The following TP63 variants were observed in gnomAD, a reference collection of about 807,000 sequenced individuals.
TP63 encodes tumor protein p63.
A neutral mutation model predicts 82.8 loss-of-function variants in TP63; 17 were observed. The observed-to-expected ratio is 0.21, with a 90% CI of 0.14 to 0.31. The LOEUF is 0.31. TP63 is among the 10% of genes least tolerant of loss of function. The pLI, the probability that TP63 is intolerant of heterozygous loss-of-function variation, is 1.00. For synonymous variants in TP63, 330 were observed against 321.7 expected, an observed-to-expected ratio of 1.03 and a Z score of -0.28; for missense variants, 648 against 895.3, an observed-to-expected ratio of 0.72 and a Z score of 3.52.
intron 1 of TP63, among the ~76,000 whole-genome samples, chr3:189,694,095 C>T (rs1370555693): frequency 1.3e-5 from 2 of 152,068 alleles, no homozygotes; most frequent in East Asian, 1.9e-4. Flanking sequence ...TATTAAACAG[C>T]GGAACAGAAA....
chr3:189,662,426 G>A (rs527890597), intron 1 of TP63, among the ~76,000 whole-genome samples: 19 of 152,070 alleles, frequency 1.2e-4, no homozygotes, highest in African/African-American at 4.6e-4. Flanking sequence ...TGTGATCTGA[G>A]AGTATCGTTG....
chr3:189,728,561 T>C lies in TP63; in HGVS notation c.63-9179T>C, dbSNP rs368955386. 2.0e-5 allele frequency among the ~76,000 whole-genome samples: 3 copies of C among 152,168 alleles called. No homozygotes were observed. In the East Asian group the frequency reaches 5.8e-4, roughly 29 times the overall value. Reference sequence around the variant, plus strand: ...AGGGCTCAAGGATGAAAACAACCTGTAGGATACAGCTGATGTAATAGTTTG... The same window carrying C: ...AGGGCTCAAGGATGAAAACAACCTGCAGGATACAGCTGATGTAATAGTTTG... On this transcript the variant is annotated intron_variant, in intron 1 of 13. Transcript: ENST00000264731.
At chr3:189,611,859 A>G in the TP63 span, among the ~76,000 whole-genome samples, 4 of 151,990 alleles carry the variant, frequency 2.6e-5, no homozygotes, top group African/African-American at 9.7e-5. Flanking sequence ...GGTTAGCTGT[A>G]TTCTTAGGTA....
intron 3 of TP63, among the ~76,000 whole-genome samples, chr3:189,751,957 A>G (rs1721855921): frequency 6.6e-6 from 1 of 152,072 alleles, no homozygotes; most frequent in South Asian, 2.1e-4. Flanking sequence ...ATCTTATTGT[A>G]TATTTGATAT....
At chr3:189,815,474 G>A (rs191159867) in intron 4 of TP63, among the ~76,000 whole-genome samples, 58 of 152,058 alleles carry the variant, frequency 3.8e-4, no homozygotes, top group African/African-American at 1.4e-3. Flanking sequence ...TGTTGTCACA[G>A]GGGAAAGTAG....
chr3:189,742,151 G>A (rs1178605861), intron 3 of TP63, among the ~76,000 whole-genome samples: 4 of 149,256 alleles, frequency 2.7e-5, no homozygotes, highest in African/African-American at 7.4e-5. Flanking sequence ...GCTGAGGCAG[G>A]AGAATCGCTT....
chr3:189,890,481 C>G (rs1056526112), intron 12 of TP63, among the ~76,000 whole-genome samples: 2 of 152,124 alleles, frequency 1.3e-5, no homozygotes, highest in African/African-American at 4.8e-5. Context: ...ACTGGACTTC[C>G]CTTTCACCCT....
chr3:189,683,776 C>T (rs1417872498), intron 1 of TP63, among the ~76,000 whole-genome samples: 2 of 152,224 alleles, frequency 1.3e-5, no homozygotes, highest in African/African-American at 4.8e-5. Context: ...GCCAATCCTA[C>T]CCTCTCCTCA....
chr3:189,718,563 G>A (rs1460442711), intron 1 of TP63, among the ~76,000 whole-genome samples: 1 of 150,790 alleles, frequency 6.6e-6, no homozygotes, highest in Admixed American at 6.6e-5. Context: ...TCCCTCCCCT[G>A]ACATGTGAGG....
intron 1 of TP63, among the ~76,000 whole-genome samples, chr3:189,690,886 CT>C (rs1716861117): frequency 6.6e-6 from 1 of 152,070 alleles, no homozygotes; most frequent in Non-Finnish European, 1.5e-5. Context: ...CCTGAAGATG[CT>C]TTTTTGACTG....
In TP63 at chr3:189,831,246, G is replaced by A. The variant is rs551034118; in HGVS notation, c.579+22720G>A. On this transcript the variant is annotated intron_variant, in intron 4 of 13. Transcript: ENST00000264731. Reference sequence around the variant, plus strand: ...AAATCTGCTGTTTGAGGTTCCTTGGGTCCTGCATTCTTTCTTAAATATTTC... The same window carrying A: ...AAATCTGCTGTTTGAGGTTCCTTGGATCCTGCATTCTTTCTTAAATATTTC... Among the ~76,000 whole-genome samples, 16 of 152,204 alleles carry A rather than the reference G, an allele frequency of 1.1e-4. No individual in the cohort carries two copies. In the South Asian group the frequency reaches 3.3e-3, roughly 32 times the overall value.
At chr3:189,798,609 TG>T (rs375504890) in intron 3 of TP63, among the ~76,000 whole-genome samples, 80 of 152,258 alleles carry the variant, frequency 5.3e-4, no homozygotes, top group African/African-American at 1.9e-3. Context: ...CAGTTCTCTC[TG>T]TCCTCACCAG....
chr3:189,796,510 A>G (rs12107460), intron 3 of TP63, among the ~76,000 whole-genome samples: 3,017 of 152,150 alleles, frequency 0.02, 98 homozygotes, highest in African/African-American at 0.069. Context: ...AAGATAAATA[A>G]GGAGACATCT....
intron 1 of TP63, among the ~76,000 whole-genome samples, chr3:189,685,306 C>T (rs1344301017): frequency 6.6e-6 from 1 of 152,148 alleles, no homozygotes; most frequent in African/African-American, 2.4e-5. Context: ...TTTGTCTCTT[C>T]TTAGGTTGAT....
intron 13 of TP63, 145 bp downstream of exon 13, chr3:189,891,027 T>C (rs1262046386): frequency 1.4e-6 from 1 of 733,358 alleles, no homozygotes; most frequent in East Asian, 2.7e-5. Flanking sequence ...CCCATAACTA[T>C]GTTAGAAAGA....
chr3:189,635,642 C>CT (rs1385896302), intron 1 of TP63, among the ~76,000 whole-genome samples: 1 of 152,070 alleles, frequency 6.6e-6, no homozygotes, highest in Non-Finnish European at 1.5e-5. Flanking sequence ...AGTCCCCTGA[C>CT]TTTGAGTAGT....
chr3:189,756,739 C>G (rs1049792519), intron 3 of TP63, among the ~76,000 whole-genome samples: 3 of 152,180 alleles, frequency 2.0e-5, no homozygotes, highest in African/African-American at 7.2e-5. Flanking sequence ...TCTCCTCCCT[C>G]TCTTTTTAAG....
At chr3:189,803,777 A>G (rs1339565148) in intron 3 of TP63, among the ~76,000 whole-genome samples, 1 of 152,262 alleles carries the variant, frequency 6.6e-6, no homozygotes, top group Non-Finnish European at 1.5e-5. Context: ...GTTATTTTAT[A>G]GAAAATGAAG....
intron 4 of TP63, among the ~76,000 whole-genome samples, 195 bp from the exon 5 acceptor site, chr3:189,864,037 A>C (rs983099862): frequency 1.3e-5 from 2 of 152,232 alleles, no homozygotes; most frequent in African/African-American, 4.8e-5. Context: ...ATGGGGTTTT[A>C]TTTATGATAG....
Sources: allele counts gnomAD v4.1 joint callset (sites outside exome capture counted in the v4.1 genomes callset), GRCh38; gene constraint gnomAD v4.1.1; transcripts MANE v1.5; gene names NCBI Gene and HGNC (gene_info 2026-07-23, HGNC 2026-07-21).